The following DRC2 variants were observed in gnomAD, a reference collection of about 807,000 sequenced individuals.
DRC2 encodes dynein regulatory complex subunit 2.
At chr12:48,910,683 C>T in the DRC2 span, among the ~76,000 whole-genome samples, 5 of 152,148 alleles carry the variant, frequency 3.3e-5, no homozygotes, top group African/African-American at 1.2e-4. Context: ...CATAAGGAAA[C>T]TTTTTTCTTT....
chr12:48,914,500 C>G, the DRC2 span: 1 of 1,614,204 alleles, frequency 6.2e-7, no homozygotes, highest in Non-Finnish European at 8.5e-7. Flanking sequence ...CCTGCAGAGG[C>G]ACCGGCTCAG....
the DRC2 span, chr12:48,918,318 G>A: frequency 3.7e-6 from 6 of 1,614,072 alleles, no homozygotes. Flanking sequence ...CTGGAGAACA[G>A]AGTAGAAGAT....
At chr12:48,917,841 C>T in the DRC2 span, among the ~76,000 whole-genome samples, 9 of 152,334 alleles carry the variant, frequency 5.9e-5, no homozygotes, top group African/African-American at 1.7e-4. Context: ...TCTTAGCCAG[C>T]CCACAGACCT....
the DRC2 span, among the ~76,000 whole-genome samples, chr12:48,916,048 C>G: frequency 2.0e-5 from 3 of 149,500 alleles, no homozygotes; most frequent in Non-Finnish European, 4.5e-5. Flanking sequence ...TGATGGCGGC[C>G]GGGAAGAGGC....
At chr12:48,904,629 G>A in the DRC2 span, among the ~76,000 whole-genome samples, 227 of 152,344 alleles carry the variant, frequency 1.5e-3, no homozygotes, top group Middle Eastern at 0.014. Context: ...AGGCGGGGGT[G>A]TTCTCTGCGA....
the DRC2 span, among the ~76,000 whole-genome samples, chr12:48,912,437 C>CAAAAAAAAAAA: frequency 7.7e-3 from 350 of 45,338 alleles, 50 homozygotes; most frequent in Non-Finnish European, 0.011. Context: ...GACGCCGTCT[C>CAAAAAAAAAAA]AAAAAAAAAA....
At chr12:48,918,712 A>T in the DRC2 span, 9 of 1,613,774 alleles carry the variant, frequency 5.6e-6, no homozygotes, top group African/African-American at 1.3e-5. Flanking sequence ...AAAAGGCAAG[A>T]TCATGATACA....
At chr12:48,909,450 CTGGCAAACTTTCTTATTATTTTTAT>C in the DRC2 span, among the ~76,000 whole-genome samples, 2 of 152,170 alleles carry the variant, frequency 1.3e-5, no homozygotes, top group Non-Finnish European at 2.9e-5. Context: ...TCCAGTCGTC[CTGGCAAACTTTCTTATTATTTTTAT>C]TTTTATTTAT....
chr12:48,906,032 A>C, the DRC2 span, among the ~76,000 whole-genome samples: 8 of 152,290 alleles, frequency 5.3e-5, no homozygotes, highest in African/African-American at 1.9e-4. Context: ...TGGCCTCCCA[A>C]AGTGCTGGGA....
chr12:48,921,125 A>T, the DRC2 span: 1 of 1,610,318 alleles, frequency 6.2e-7, no homozygotes, highest in Non-Finnish European at 8.5e-7. Flanking sequence ...GCATTTGCTA[A>T]TGGGTCTCGC....
chr12:48,914,265 G>C, the DRC2 span: 1 of 833,420 alleles, frequency 1.2e-6, no homozygotes, highest in Non-Finnish European at 1.8e-6. Flanking sequence ...CTTTACACAA[G>C]AGTGAGGGGG....
chr12:48,921,344 G>C, the DRC2 span: 1 of 1,614,156 alleles, frequency 6.2e-7, no homozygotes, highest in Non-Finnish European at 8.5e-7. Flanking sequence ...TGCTGAGCCA[G>C]CTCAACCCAC....
the DRC2 span, chr12:48,904,234 G>A: frequency 2.7e-6 from 4 of 1,469,600 alleles, no homozygotes; most frequent in African/African-American, 1.4e-5. Flanking sequence ...ACAACCAGGG[G>A]CACTTCTGGA....
chr12:48,908,188 G>A, the DRC2 span, among the ~76,000 whole-genome samples: 1 of 151,994 alleles, frequency 6.6e-6, no homozygotes, highest in Admixed American at 6.6e-5. Context: ...GAGTAGCTGG[G>A]ACCACAGGAG....
the DRC2 span, among the ~76,000 whole-genome samples, chr12:48,907,041 C>T: frequency 6.6e-6 from 1 of 151,582 alleles, no homozygotes; most frequent in Admixed American, 6.6e-5. Flanking sequence ...TGGTGAAACC[C>T]CATCTCTACT....
the DRC2 span, among the ~76,000 whole-genome samples, chr12:48,907,123 G>C: frequency 1.3e-5 from 2 of 152,046 alleles, no homozygotes; most frequent in African/African-American, 4.8e-5. Context: ...GCTGAGGCGG[G>C]AGAATGGCGT....
chr12:48,909,037 CTTTT>C, the DRC2 span, among the ~76,000 whole-genome samples: 53 of 82,392 alleles, frequency 6.4e-4, no homozygotes, highest in Middle Eastern at 0.033. Context: ...TTTTCTTTCT[CTTTT>C]TTTTTTTTTT....
the DRC2 span, among the ~76,000 whole-genome samples, chr12:48,916,370 G>T: frequency 2.0e-5 from 3 of 152,208 alleles, no homozygotes. Flanking sequence ...GGCCGAGGCT[G>T]GCGGATCACT....
the DRC2 span, among the ~76,000 whole-genome samples, chr12:48,917,283 A>G: frequency 0.48 from 41,826 of 87,924 alleles, 7,639 homozygotes; most frequent in East Asian, 0.59. Context: ...AGTCCCCCCC[A>G]TCTCTACCGG....
Sources: allele counts gnomAD v4.1 joint callset (sites outside exome capture counted in the v4.1 genomes callset), GRCh38; gene constraint gnomAD v4.1.1; transcripts MANE v1.5; gene names NCBI Gene and HGNC (gene_info 2026-07-23, HGNC 2026-07-21).